CDS1: variants seen among roughly 807,000 people sequenced by gnomAD.
CDS1 encodes the protein phosphatidate cytidylyltransferase 1.
Under a neutral mutation model 62.1 loss-of-function variants are expected in CDS1, and 41 were observed. The ratio of observed to expected loss-of-function variants is 0.66; its 90% CI spans 0.51 to 0.86. The LOEUF (loss-of-function observed/expected upper bound fraction) is 0.86, where lower values mean the gene tolerates loss of function less well. Among genes scored for constraint, CDS1 ranks in the 40% least tolerant of loss-of-function variants. The pLI, the probability that CDS1 is intolerant of heterozygous loss-of-function variation, is 0.00. For missense variants in CDS1, 470 were observed against 550.1 expected, an observed-to-expected ratio of 0.85 and a Z score of 1.46; for synonymous variants, 185 against 192.6, an observed-to-expected ratio of 0.96 and a Z score of 0.32.
rs751739087 is a variant in CDS1, at chr4:84,609,493, A to G, written c.310A>G (p.Ile104Val). ...TATGATCTCGTTGTTTTTCCTGATC[A>G]TCTATATGGGATCCTTCATGCTGAT... ...LTMISLFFLI[I>V]YMGSFMLMLL... Residue 104 changes from isoleucine to valine, a missense_variant, in exon 3 of 13, where the codon ATC becomes GTC. By Grantham distance (29) the Ile-to-Val change is conservative. Coordinates refer to ENST00000295887, the MANE Select transcript of CDS1 (RefSeq NM_001263.4). 3.7e-6 allele frequency: 6 copies of G among 1,608,682 alleles called. No individual in the cohort carries two copies. The highest frequency in any genetic ancestry group is 5.1e-6 in the Non-Finnish European group (6 of 1,175,338).
chr4:84,628,518 CTCT>C (rs1257649789), intron 5 of CDS1, among the ~76,000 whole-genome samples: 17 of 152,010 alleles, frequency 1.1e-4, no homozygotes, highest in Non-Finnish European at 8.8e-5. Flanking sequence ...AATCTTCATC[CTCT>C]TCTTCTTCCT....
Position 84,648,801 on chromosome 4 carries a change from GAT to G in CDS1, c.*118_*119del, listed in dbSNP as rs1724629748. The G allele has an allele frequency of 2.2e-5, 22 of 978,456 alleles. No individual in the cohort carries two copies. The South Asian group carries it at 4.5e-4, about 20-fold the overall frequency. The allele number at this position is 978,456 out of a possible 1,614,324, so 60.6% of individuals were successfully genotyped here. A position where few individuals can be genotyped will look rare whatever the true frequency, so the allele number is the denominator to read the frequency against. ...AAATGCAATAGGTTGAAGTTTTGGA[GAT>G]ATGTTTCTCTCTGAAATTACTGTGA... On this transcript the variant is annotated 3_prime_UTR_variant, in exon 13 of 13. Coordinates refer to ENST00000295887, the MANE Select transcript of CDS1 (RefSeq NM_001263.4).
At position 84,609,198 on chromosome 4, in the gene CDS1, A is replaced by G. The variant is rs978004786; in HGVS notation, c.246-231A>G. On this transcript the variant is annotated intron_variant, in intron 2 of 12. Coordinates refer to ENST00000295887, the MANE Select transcript of CDS1 (RefSeq NM_001263.4). ...TCCGTCTCAAAAAAAAAAAAAAAAA[A>G]AAAGAAAAGAAAAATTATTTTCTTT... Among the ~76,000 whole-genome samples, 292 of 149,050 alleles carry G rather than the reference A, an allele frequency of 2.0e-3. 2 individuals carry two copies. Among genetic ancestry groups the G allele is most frequent in the African/African-American group, 6.5e-3 (267 of 41,240 alleles).
intron 1 of CDS1, among the ~76,000 whole-genome samples, chr4:84,588,626 A>AG (rs1296378196): frequency 6.6e-6 from 1 of 152,108 alleles, no homozygotes; most frequent in African/African-American, 2.4e-5. Context: ...AGGCAATTGC[A>AG]GGGGTATGGA....
At chr4:84,640,793 T>C (rs745726977) in intron 9 of CDS1, 45 bp from the exon 10 acceptor site, 1 of 1,441,008 alleles carries the variant, frequency 6.9e-7, no homozygotes. Context: ...TGTTATGAAC[T>C]TTTGCTTTGT....
chr4:84,635,621 G>GCCTGCCTGCCTGCCTGCCTT (rs1724168252), intron 8 of CDS1, among the ~76,000 whole-genome samples: 3 of 84,810 alleles, frequency 3.5e-5, no homozygotes, highest in African/African-American at 9.9e-5. Flanking sequence ...CTGCCTGCCT[G>GCCTGCCTGCCTGCCTGCCTT]CCTGCCTTCC....
chr4:84,583,470 G>A lies in CDS1; in HGVS notation c.69G>A (p.Glu23=), dbSNP rs1334378341. The A allele has an allele frequency of 3.2e-6, 5 of 1,574,598 alleles. No homozygotes were observed. Among genetic ancestry groups the A allele is most frequent in the African/African-American group, 1.4e-5 (1 of 72,824 alleles). Residue 23 remains glutamate, a synonymous_variant, in exon 1 of 13, where the codon GAG becomes GAA. Coordinates refer to ENST00000295887, the MANE Select transcript of CDS1 (RefSeq NM_001263.4). ...PREAVSPPHR[E]GEAAGGDHET... is the part of the protein sequence containing the mutation. ...AAGCGGTGTCGCCGCCACACCGCGA[G>A]GGAGAGGCGGCCGGCGGCGACCACG...
intron 1 of CDS1, among the ~76,000 whole-genome samples, chr4:84,593,718 G>T (rs1722664016): frequency 6.6e-6 from 1 of 152,046 alleles, no homozygotes; most frequent in Admixed American, 6.6e-5. Context: ...TGGCCAAGCT[G>T]GTCTCGAACT....
At position 84,597,597 on chromosome 4, in the gene CDS1, C is replaced by T. The variant is rs187028335; in HGVS notation, c.118-6646C>T. 2.6e-4 allele frequency among the ~76,000 whole-genome samples: 39 copies of T among 152,222 alleles called. No individual in the cohort carries two copies. In the East Asian group the frequency reaches 7.0e-3, roughly 27 times the overall value. On this transcript the variant is annotated intron_variant, in intron 1 of 12. Transcript: ENST00000295887. ...GAGGCTGTAGTGAGTCATGATAGTG[C>T]ACTGCACTCCAACCTGGGTGACCCT... is the stretch of plus-strand genomic sequence containing the variant.
chr4:84,589,819 GT>G (rs1722531141), intron 1 of CDS1, among the ~76,000 whole-genome samples: 1 of 151,508 alleles, frequency 6.6e-6, no homozygotes, highest in South Asian at 2.1e-4. Context: ...TTTTTGTTTT[GT>G]TTTGTTTTGA....
chr4:84,634,154 A>G (rs1280063729), intron 7 of CDS1, among the ~76,000 whole-genome samples: 1 of 152,204 alleles, frequency 6.6e-6, no homozygotes, highest in Admixed American at 6.5e-5. Context: ...AGTTCCAAAT[A>G]TAGGAAGTTC....
At position 84,609,136 on chromosome 4, in the gene CDS1, G is replaced by A. The variant is rs181931892; in HGVS notation, c.246-293G>A. 7.7e-3 allele frequency among the ~76,000 whole-genome samples: 1,062 copies of A among 138,640 alleles called. 12 individuals are homozygous for A. Among genetic ancestry groups the A allele is most frequent in the African/African-American group, 0.026 (930 of 35,494 alleles). 91.0% of individuals were successfully genotyped at this position (138,640 alleles called of 152,430 possible). ...GGAGCTTTCAGTGAGCCGAGATCAC[G>A]CCACTGCACTCCAGCCTGGGTGCGA... is the stretch of plus-strand genomic sequence containing the variant. On this transcript the variant is annotated intron_variant, in intron 2 of 12. Coordinates refer to ENST00000295887, the MANE Select transcript of CDS1 (RefSeq NM_001263.4).
chr4:84,639,021 A>G, intron 9 of CDS1, 29 bp downstream of exon 9: 1 of 1,171,984 alleles, frequency 8.5e-7, no homozygotes, highest in Non-Finnish European at 1.2e-6. Flanking sequence ...TTTATTTTGT[A>G]TACATTTCGA....
chr4:84,649,051 C>T lies in CDS1; in HGVS notation c.*365C>T, dbSNP rs1724636139. 6.1e-6 allele frequency: 1 copy of T among 163,388 alleles called. No homozygotes were observed. The highest frequency in any genetic ancestry group is 1.7e-4 in the East Asian group (1 of 5,734). 10.1% of individuals were successfully genotyped at this position (163,388 alleles called of 1,614,324 possible). A position where few individuals can be genotyped will look rare whatever the true frequency, so the allele number is the denominator to read the frequency against. On this transcript the variant is annotated 3_prime_UTR_variant, in exon 13 of 13. Coordinates refer to ENST00000295887, the MANE Select transcript of CDS1 (RefSeq NM_001263.4). ...GCACCTGGCAGTGTGCCTTTTTGCA[C>T]AAATATTTACTTTTGCACTTGGAGC... is the stretch of plus-strand genomic sequence containing the variant.
At chr4:84,618,044 C>T (rs1018339457) in intron 4 of CDS1, among the ~76,000 whole-genome samples, 2 of 151,974 alleles carry the variant, frequency 1.3e-5, no homozygotes, top group African/African-American at 4.8e-5. Flanking sequence ...GACATGATAA[C>T]ATACAACATA....
At chr4:84,594,162 G>A (rs1363479294) in intron 1 of CDS1, among the ~76,000 whole-genome samples, 1 of 151,830 alleles carries the variant, frequency 6.6e-6, no homozygotes, top group Non-Finnish European at 1.5e-5. Context: ...ATTGACATAA[G>A]ACAAGAGAAA....
In CDS1 at chr4:84,619,464, C is replaced by A; in HGVS notation, c.511C>A (p.Gln171Lys). 1 of 1,599,664 alleles carries A rather than the reference C, an allele frequency of 6.3e-7. No homozygotes were observed. Among genetic ancestry groups the A allele is most frequent in the Non-Finnish European group, 8.6e-7 (1 of 1,168,768 alleles). Residue 171 changes from glutamine (Q) to lysine (K), a missense_variant, in exon 5 of 13, where the codon CAA becomes AAA. By Grantham distance (53) the Gln-to-Lys change is moderately conservative. Transcript: ENST00000295887. ...AGCTGATTATTTTGCTACATTTGTT[C>A]AAAGAGAAGAACAACTTCAGTTCCT... ...TVADYFATFV[Q>K]REEQLQFLIR...
rs1722444263 is a variant in CDS1, at chr4:84,587,107, A to G, written c.117+3589A>G. Among the ~76,000 whole-genome samples the G allele has an allele frequency of 2.0e-5, 3 of 152,290 alleles. No homozygotes were observed. The South Asian group carries it at 6.2e-4, about 32-fold the overall frequency. On this transcript the variant is annotated intron_variant, in intron 1 of 12. Transcript: ENST00000295887. ...GAACATTTTGAAAAGCAGAAAGGAGAAGATCAAATGTTGGATGCCTTCAGT... is the reference window on the plus strand; with the variant it reads ...GAACATTTTGAAAAGCAGAAAGGAGGAGATCAAATGTTGGATGCCTTCAGT...
At chr4:84,641,471 C>A (rs2148660016) in intron 10 of CDS1, among the ~76,000 whole-genome samples, 1 of 152,288 alleles carries the variant, frequency 6.6e-6, no homozygotes, top group East Asian at 1.9e-4. Context: ...TTAGTGTTAG[C>A]TTAAATCAAA....
Sources: gnomAD v4.1 joint callset for allele counts (sites outside exome capture counted in the v4.1 genomes callset) on GRCh38, gnomAD v4.1.1 for gene constraint, MANE v1.5 for transcripts, NCBI Gene and HGNC (gene_info 2026-07-23, HGNC 2026-07-21) for gene names.